The following ESR1 variants were observed in gnomAD, a reference collection of about 807,000 sequenced individuals.
ESR1 encodes the protein estrogen receptor 1.
A neutral mutation model predicts 52.7 loss-of-function variants in ESR1; 12 were observed. The observed-to-expected ratio is 0.23, with a 90% CI of 0.15 to 0.37. The LOEUF (loss-of-function observed/expected upper bound fraction) is 0.37, where lower values mean the gene tolerates loss of function less well. ESR1 is among the 10% of genes least tolerant of loss of function. ESR1 has a pLI of 1.00. For synonymous variants in ESR1, 305 were observed against 316.8 expected, an observed-to-expected ratio of 0.96 and a Z score of 0.39; for missense variants, 584 against 779.7, an observed-to-expected ratio of 0.75 and a Z score of 2.99.
At chr6:151,680,961 A>C (rs1778436171) in intron 1 of ESR1, among the ~76,000 whole-genome samples, 1 of 152,118 alleles carries the variant, frequency 6.6e-6, no homozygotes, top group Non-Finnish European at 1.5e-5. Context: ...TCCCAGGGGT[A>C]GACGCCCCGT....
rs138689031 is a variant in ESR1, at chr6:151,658,645, G to T, written n.73+1882G>T. ...TTATTTTTATTTTACTTTAAGTTCT[G>T]GGATTAATATGTGCTTTTAACATTA... On this transcript the variant is annotated intron_variant and non_coding_transcript_variant, in intron 1 of 2. Coordinates refer to the ESR1 transcript ENST00000473497. Among the ~76,000 whole-genome samples the T allele has an allele frequency of 8.3e-3, 1,265 of 152,078 alleles. 7 individuals carry two copies. Among genetic ancestry groups the T allele is most frequent in the South Asian group, 0.016 (79 of 4,810 alleles).
intron 2 of ESR1, among the ~76,000 whole-genome samples, chr6:151,848,897 C>T (rs1036462451): frequency 1.3e-5 from 2 of 152,126 alleles, no homozygotes; most frequent in Non-Finnish European, 2.9e-5. Flanking sequence ...CATATTCTCT[C>T]TCCTATTCCT....
At chr6:152,015,146 G>A (rs2128795120) in intron 5 of ESR1, among the ~76,000 whole-genome samples, 1 of 152,204 alleles carries the variant, frequency 6.6e-6, no homozygotes, top group African/African-American at 2.4e-5. Context: ...AATTTCTGAA[G>A]AGTCACAGGT....
At chr6:152,007,568 A>G (rs1055577305) in intron 4 of ESR1, among the ~76,000 whole-genome samples, 4 of 152,130 alleles carry the variant, frequency 2.6e-5, no homozygotes, top group African/African-American at 9.7e-5. Flanking sequence ...ACTTGTGAAT[A>G]TAGACTAGGG....
At chr6:152,003,803 TA>T (rs35810826) in intron 4 of ESR1, among the ~76,000 whole-genome samples, 58,028 of 151,708 alleles carry the variant, frequency 0.38, 12,893 homozygotes, top group African/African-American at 0.61. Context: ...CATACATTTT[TA>T]AAAAGAATAT....
At chr6:151,811,111 T>G (rs1778768715) in intron 1 of ESR1, 2 of 152,238 alleles carry the variant, frequency 1.3e-5, no homozygotes, top group East Asian at 1.9e-4. Context: ...GTGGTTACCT[T>G]CTTCCATTTC....
Position 152,061,734 on chromosome 6 carries a change from T to TTTTTTGTTTTTG in ESR1, c.1369+627_1369+638dup. On this transcript the variant is annotated intron_variant, in intron 6 of 7. Coordinates refer to ENST00000206249, the MANE Select transcript of ESR1 (RefSeq NM_000125.4). The surrounding 1 kb of genome is among the most constrained non-coding windows in gnomAD (Gnocchi z 4.3). ...AAAGCTTAGCTAAGAGCAACATCTG[T>TTTTTTGTTTTTG]TTTTTGTTTTTGTTTTTGTTTTTGT... Among the ~76,000 whole-genome samples the TTTTTTGTTTTTG allele has an allele frequency of 6.6e-6, 1 of 152,120 alleles. No homozygotes were observed. Among genetic ancestry groups the TTTTTTGTTTTTG allele is most frequent in the Non-Finnish European group, 1.5e-5 (1 of 68,030 alleles).
At chr6:151,714,088 C>A (rs914242519) in intron 2 of ESR1, among the ~76,000 whole-genome samples, 16 of 152,124 alleles carry the variant, frequency 1.1e-4, no homozygotes, top group African/African-American at 3.6e-4. Context: ...TGCCTTAATT[C>A]TGTCATTTAC....
intron 5 of ESR1, among the ~76,000 whole-genome samples, chr6:152,045,202 G>A (rs1358059135): frequency 6.6e-6 from 1 of 152,204 alleles, no homozygotes; most frequent in Non-Finnish European, 1.5e-5. Flanking sequence ...CACTACAGGG[G>A]CATGGGAAGA....
intron 1 of ESR1, among the ~76,000 whole-genome samples, chr6:151,697,607 T>G (rs1380307209): frequency 6.6e-6 from 1 of 152,256 alleles, no homozygotes; most frequent in Admixed American, 6.5e-5. Flanking sequence ...TCTGTGAGAT[T>G]AGGATTCAGA....
At chr6:151,836,878 T>G (rs1439047436) in intron 1 of ESR1, among the ~76,000 whole-genome samples, 1 of 152,224 alleles carries the variant, frequency 6.6e-6, no homozygotes, top group African/African-American at 2.4e-5. Flanking sequence ...AAATATTTCC[T>G]TTAAAAACCA....
At chr6:151,874,819 G>A (rs1460360558) in intron 2 of ESR1, among the ~76,000 whole-genome samples, 1 of 152,150 alleles carries the variant, frequency 6.6e-6, no homozygotes, top group Non-Finnish European at 1.5e-5. Context: ...GTTTCCTGGT[G>A]ATGGTGGTGA....
intron 1 of ESR1, chr6:151,809,036 A>G (rs1437686574): frequency 7.4e-6 from 2 of 269,492 alleles, no homozygotes; most frequent in African/African-American, 4.6e-5. Context: ...GATTGCTGGC[A>G]TGTGACTTCT....
rs540849515 is a variant in ESR1 at position 152,014,086 on chromosome 6, C to T, written c.1235+2292C>T. 4.3e-3 allele frequency among the ~76,000 whole-genome samples: 651 copies of T among 152,222 alleles called. 1 individual carries two copies. Among genetic ancestry groups the T allele is most frequent in the African/African-American group, 0.015 (607 of 41,542 alleles). The stretch of plus-strand genomic sequence containing the variant: ...ATAAAGGGGAGTTCCCCTGCACACG[C>T]TCTCTCTCTTCCCCGTTGCCATGAA... On this transcript the variant is annotated intron_variant, in intron 5 of 7. Transcript: ENST00000206249.
At chr6:151,708,872 T>TCGA (rs1780367760) in intron 2 of ESR1, among the ~76,000 whole-genome samples, 2 of 152,164 alleles carry the variant, frequency 1.3e-5, no homozygotes, top group African/African-American at 2.4e-5. Context: ...TACATATATC[T>TCGA]TGATATATCA....
At chr6:151,952,214 A>G (rs9340915) in intron 4 of ESR1, among the ~76,000 whole-genome samples, 1 of 152,214 alleles carries the variant, frequency 6.6e-6, no homozygotes, top group Admixed American at 6.5e-5. Context: ...TAACAGATAA[A>G]TAATAGTATC....
In ESR1 at chr6:152,037,400, AG is replaced by A. The variant is rs1390291687; in HGVS notation, c.1236-23590del. On this transcript the variant is annotated intron_variant, in intron 5 of 7. Coordinates refer to ENST00000206249, the MANE Select transcript of ESR1 (RefSeq NM_000125.4). Reference sequence around the variant, plus strand: ...AAAATGCAAGTACAAATGCCTGCAAAGATAAAATATCCTCTGGATGGAGTGG... The same window carrying A: ...AAAATGCAAGTACAAATGCCTGCAAAATAAAATATCCTCTGGATGGAGTGG... Among the ~76,000 whole-genome samples, 3 of 152,256 alleles carry A rather than the reference AG, an allele frequency of 2.0e-5. No individual in the cohort carries two copies. The East Asian group carries it at 5.8e-4, about 29-fold the overall frequency.
At chr6:151,762,115 A>C (rs1482037585) in intron 2 of ESR1, among the ~76,000 whole-genome samples, 1 of 152,218 alleles carries the variant, frequency 6.6e-6, no homozygotes, top group Non-Finnish European at 1.5e-5. Flanking sequence ...AGGTGCTTCC[A>C]TTGAGCAGCT....
At chr6:151,669,784 T>C (rs1276920501) in intron 1 of ESR1, among the ~76,000 whole-genome samples, 3 of 152,168 alleles carry the variant, frequency 2.0e-5, no homozygotes, top group Non-Finnish European at 4.4e-5. Flanking sequence ...TAAAGAAATT[T>C]AGTGCAGATG....
Sources: gnomAD v4.1 joint callset for allele counts (sites outside exome capture counted in the v4.1 genomes callset) on GRCh38, gnomAD v4.1.1 for gene constraint, Gnocchi (gnomAD v3.1) non-coding constraint, MANE v1.5 for transcripts, NCBI Gene and HGNC (gene_info 2026-07-23, HGNC 2026-07-21) for gene names.